Variants in RGS12 observed in about 807,000 individuals in gnomAD.
RGS12 encodes regulator of G-protein signaling 12.
Under a neutral mutation model 120.1 loss-of-function variants are expected in RGS12, and 66 were observed. The observed-to-expected ratio is 0.55, with a 90% CI of 0.45 to 0.67. The LOEUF is 0.67. Ranked by LOEUF, RGS12 falls within the 30% of genes least tolerant of loss-of-function variation. The pLI is 0.00. For missense variants in RGS12, 1,859 were observed against 1,957.7 expected, an observed-to-expected ratio of 0.95 and a Z score of 0.95; for synonymous variants, 827 against 804.7, an observed-to-expected ratio of 1.03 and a Z score of -0.47.
Position 3,366,604 on chromosome 4 carries a change from C to T in RGS12, c.1999-19812C>T, listed in dbSNP as rs993277467. On this transcript the variant is annotated intron_variant, in intron 3 of 17. Coordinates refer to ENST00000336727, the MANE Select transcript of RGS12 (RefSeq NM_001394154.1). This position sits in a 1 kb window ranked among gnomAD's most constrained non-coding sequence, Gnocchi z 4.0. ...CGTCCCGGTTCCTGGGTGTTCCGCG[C>T]CCGTCTCCTTTCTGCTGTTGAGAAA... Among the ~76,000 whole-genome samples the T allele has an allele frequency of 2.0e-5, 3 of 152,224 alleles. No homozygotes were observed. Among genetic ancestry groups the T allele is most frequent in the African/African-American group, 7.2e-5 (3 of 41,460 alleles).
At chr4:3,414,451 TC>T in intron 5 of RGS12, 1 of 612,850 alleles carries the variant, frequency 1.6e-6, no homozygotes, top group South Asian at 2.1e-5. Context: ...CCAGGGAGCG[TC>T]CCTGGCCCTC....
At chr4:3,437,721 A>G (rs538685747) in intron 17 of RGS12, among the ~76,000 whole-genome samples, 5 of 151,982 alleles carry the variant, frequency 3.3e-5, no homozygotes, top group Admixed American at 2.6e-4. Flanking sequence ...TGGCATCTCC[A>G]CCGGGCCTGG....
chr4:3,305,314 G>A (rs982020324), intron 1 of RGS12, among the ~76,000 whole-genome samples: 1 of 152,208 alleles, frequency 6.6e-6, no homozygotes, highest in South Asian at 2.1e-4. Flanking sequence ...AGGATGACCA[G>A]GAGGTGGTGT....
chr4:3,419,639 A>G (rs1722785241), intron 9 of RGS12: 2 of 152,148 alleles, frequency 1.3e-5, no homozygotes, highest in Non-Finnish European at 2.9e-5. Flanking sequence ...CAACACAGCA[A>G]GACACTCATC....
At chr4:3,310,657 C>T (rs775967967) in intron 1 of RGS12, among the ~76,000 whole-genome samples, 1 of 151,490 alleles carries the variant, frequency 6.6e-6, no homozygotes, top group Non-Finnish European at 1.5e-5. Context: ...GGTATCAGAT[C>T]GTCTGGTGTG....
At chr4:3,422,637 T>A in intron 11 of RGS12, 67 bp downstream of exon 11, 1 of 1,513,244 alleles carries the variant, frequency 6.6e-7, no homozygotes, top group East Asian at 2.3e-5. Context: ...GGCCCCCAGC[T>A]TTGTCAGAGT....
chr4:3,305,600 C>T (rs1027912113), intron 1 of RGS12, among the ~76,000 whole-genome samples: 26 of 152,214 alleles, frequency 1.7e-4, no homozygotes, highest in African/African-American at 5.3e-4. Context: ...CAGGCCAGAC[C>T]TTCCTGTTCA....
At chr4:3,321,334 G>A (rs1725173265) in intron 2 of RGS12, among the ~76,000 whole-genome samples, 1 of 152,112 alleles carries the variant, frequency 6.6e-6, no homozygotes, top group African/African-American at 2.4e-5. Context: ...GGTGAGGATT[G>A]GTGGCTGTCC....
chr4:3,363,409 C>T (rs1408107287), intron 3 of RGS12, among the ~76,000 whole-genome samples: 1 of 152,116 alleles, frequency 6.6e-6, no homozygotes, highest in East Asian at 1.9e-4. Context: ...GTTTCTTTGA[C>T]GTTCGTTTTG....
chr4:3,384,684 G>T (rs1365191772), intron 3 of RGS12, among the ~76,000 whole-genome samples: 3 of 152,264 alleles, frequency 2.0e-5, no homozygotes, highest in Non-Finnish European at 4.4e-5. Flanking sequence ...GATGGATGCA[G>T]GCTGCTGTGT....
chr4:3,422,869 T>C (rs1170526337), intron 11 of RGS12, 36 bp from the exon 12 acceptor site: 5 of 1,584,064 alleles, frequency 3.2e-6, no homozygotes, highest in East Asian at 2.2e-5. Context: ...GGCTGCCTGC[T>C]GTGCCCACGT....
chr4:3,390,595 T>C lies in RGS12; in HGVS notation c.2020+4158T>C, dbSNP rs1172974840. Among the ~76,000 whole-genome samples the C allele has an allele frequency of 1.3e-5, 2 of 152,254 alleles. No homozygotes were observed. Among genetic ancestry groups the C allele is most frequent in the Admixed American group, 6.5e-5 (1 of 15,290 alleles). ...CTCCTCCTGGGCTGCTCTGCGCGCC[T>C]GCCAGGCTCTTCCAGTGCCTTCACC... On this transcript the variant is annotated intron_variant, in intron 4 of 17. Coordinates refer to ENST00000336727, the MANE Select transcript of RGS12 (RefSeq NM_001394154.1). The surrounding 1 kb of genome is among the most constrained non-coding windows in gnomAD (Gnocchi z 4.6).
chr4:3,323,214 G>A (rs780121575), intron 2 of RGS12, among the ~76,000 whole-genome samples: 8 of 152,242 alleles, frequency 5.3e-5, no homozygotes, highest in Non-Finnish European at 1.0e-4. Flanking sequence ...GTGCCGTGGC[G>A]CCTCGCTCGT....
At chr4:3,409,697 C>T (rs957007629) in intron 4 of RGS12, among the ~76,000 whole-genome samples, 3 of 152,224 alleles carry the variant, frequency 2.0e-5, no homozygotes, top group Admixed American at 6.5e-5. Context: ...AGACGGTTCA[C>T]GTCACCGTGC....
intron 17 of RGS12, among the ~76,000 whole-genome samples, chr4:3,437,750 C>T (rs1257428943): frequency 6.6e-6 from 1 of 152,208 alleles, no homozygotes; most frequent in Admixed American, 6.5e-5. Context: ...GACACACAGG[C>T]CCCACACAGC....
chr4:3,342,569 T>C (rs770593379), intron 2 of RGS12: 2 of 1,303,766 alleles, frequency 1.5e-6, no homozygotes, highest in East Asian at 5.3e-5. Context: ...TAGTCATCTT[T>C]ACTCTCAGTG....
At chr4:3,306,592 C>T (rs547230529) in intron 1 of RGS12, among the ~76,000 whole-genome samples, 1 of 152,334 alleles carries the variant, frequency 6.6e-6, no homozygotes, top group African/African-American at 2.4e-5. Context: ...GCCTTGATGA[C>T]ATTTCCTTCC....
intron 2 of RGS12, among the ~76,000 whole-genome samples, chr4:3,319,616 T>C (rs1443898422): frequency 6.6e-6 from 1 of 152,190 alleles, no homozygotes; most frequent in Non-Finnish European, 1.5e-5. Context: ...GGCTAATTTT[T>C]ATATTTTTTG....
intron 12 of RGS12, 75 bp downstream of exon 12, chr4:3,423,053 G>A (rs1298445174): frequency 1.6e-6 from 2 of 1,276,566 alleles, no homozygotes; most frequent in Non-Finnish European, 2.3e-6. Flanking sequence ...GCTGGTCTCT[G>A]CGCTTAGCGG....
Sources: gnomAD v4.1 joint callset for allele counts (sites outside exome capture counted in the v4.1 genomes callset) on GRCh38, gnomAD v4.1.1 for gene constraint, Gnocchi (gnomAD v3.1) non-coding constraint, MANE v1.5 for transcripts, NCBI Gene and HGNC (gene_info 2026-07-23, HGNC 2026-07-21) for gene names.